KCND3: variants seen among roughly 807,000 people sequenced by gnomAD.
The protein encoded by KCND3 is potassium voltage-gated channel subfamily D member 3.
A neutral mutation model predicts 51.1 loss-of-function variants in KCND3; 9 were observed. The observed-to-expected ratio is 0.18, with a 90% confidence interval of 0.11 to 0.31. The LOEUF (loss-of-function observed/expected upper bound fraction) is 0.31. Ranked by LOEUF, KCND3 falls within the 10% of genes least tolerant of loss-of-function variation. The probability of loss-of-function intolerance (pLI) is 1.00; values close to 1 mark genes in which losing one functional copy is unlikely to be tolerated. For missense variants in KCND3, 526 were observed against 903.8 expected, an observed-to-expected ratio of 0.58 and a Z score of 5.36; for synonymous variants, 349 against 368.0, an observed-to-expected ratio of 0.95 and a Z score of 0.59.
chr1:111,796,460 A>C (rs1665062375), intron 2 of KCND3, among the ~76,000 whole-genome samples: 1 of 152,248 alleles, frequency 6.6e-6, no homozygotes, highest in Non-Finnish European at 1.5e-5. Flanking sequence ...GAAAAGAATA[A>C]GACCATGTCC....
In KCND3 at chr1:111,799,981, G is replaced by T. The variant is rs966749757; in HGVS notation, c.1107-12875C>A. 7.9e-5 allele frequency among the ~76,000 whole-genome samples: 12 copies of T among 151,976 alleles called. 1 individual carries two copies. The highest frequency in any genetic ancestry group is 2.9e-5 in the Non-Finnish European group (2 of 67,968). On this transcript the variant is annotated intron_variant, in intron 2 of 7. Coordinates refer to ENST00000302127, the MANE Select transcript of KCND3 (RefSeq NM_001378969.1). ...GGGAGGTGAGGGGCGCCTCTGCCCG[G>T]CCGCCCCTACTGGGAAGTGAGGAGC...
chr1:111,896,577 T>C (rs1670125207), intron 2 of KCND3, among the ~76,000 whole-genome samples: 1 of 152,202 alleles, frequency 6.6e-6, no homozygotes, highest in African/African-American at 2.4e-5. Context: ...GAGAGCTCAT[T>C]ATTTGAAATG....
chr1:111,903,351 G>A (rs1275077465), intron 2 of KCND3, among the ~76,000 whole-genome samples: 1 of 152,190 alleles, frequency 6.6e-6, no homozygotes, highest in Admixed American at 6.5e-5. Flanking sequence ...CGGATGTAGT[G>A]GGGGAGGGAA....
At chr1:111,852,657 C>T (rs569394870) in intron 2 of KCND3, among the ~76,000 whole-genome samples, 5 of 152,262 alleles carry the variant, frequency 3.3e-5, no homozygotes, top group South Asian at 2.1e-4. Context: ...GACCAACAGG[C>T]GGAGAGCATT....
Position 111,780,252 on chromosome 1 carries a change from G to A in KCND3, c.1434C>T (p.His478=), listed in dbSNP as rs370283312. 5 of 1,591,292 alleles carry A rather than the reference G, an allele frequency of 3.1e-6. No individual in the cohort carries two copies. Among genetic ancestry groups the A allele is most frequent in the African/African-American group, 2.7e-5 (2 of 74,616 alleles). ...TTSLIESQHH[H]LLHCLEKTTG... is the part of the protein sequence containing the mutation. ...TGGTTTTTTCCAGGCAGTGCAGCAG[G>A]TGATGATGCTGGCTCTCGATGAGTG... is the stretch of plus-strand genomic sequence containing the variant. The change falls in exon 5 of 8, where the codon CAC becomes CAT. Residue 478 remains histidine, a synonymous_variant. Coordinates refer to ENST00000302127, the MANE Select transcript of KCND3 (RefSeq NM_001378969.1). This position sits in a 1 kb window ranked among gnomAD's most constrained non-coding sequence, Gnocchi z 4.2.
intron 2 of KCND3, among the ~76,000 whole-genome samples, chr1:111,814,664 C>T (rs1473997868): frequency 2.0e-5 from 3 of 152,212 alleles, no homozygotes; most frequent in Admixed American, 6.5e-5. Context: ...CAAAGAAACC[C>T]CTATTGCTGG....
At chr1:111,940,073 G>T (rs1418037594) in intron 2 of KCND3, among the ~76,000 whole-genome samples, 17 of 85,460 alleles carry the variant, frequency 2.0e-4, no homozygotes, top group South Asian at 9.7e-4. Context: ...CTTTTTGATG[G>T]TTTTTTTTTT....
rs574006168 is a variant in KCND3 at position 111,875,120 on chromosome 1, G to A, written c.1107-88014C>T. Among the ~76,000 whole-genome samples, 5 of 152,336 alleles carry A rather than the reference G, an allele frequency of 3.3e-5. No homozygotes were observed. The South Asian group carries it at 1.0e-3, about 32-fold the overall frequency. The stretch of plus-strand genomic sequence containing the variant: ...GCTGGACACTTTTTCAAAGGAGGAG[G>A]GTTGAAGCTGTTCTAGGAGTTGGCA... On this transcript the variant is annotated intron_variant, in intron 2 of 7. Transcript: ENST00000302127.
chr1:111,953,862 A>G (rs934718718), intron 2 of KCND3, among the ~76,000 whole-genome samples: 3 of 152,100 alleles, frequency 2.0e-5, no homozygotes, highest in Non-Finnish European at 4.4e-5. Context: ...AATCTAGGAG[A>G]AGGAGGAGGC....
At chr1:111,807,547 G>A (rs1050428445) in intron 2 of KCND3, among the ~76,000 whole-genome samples, 1 of 152,098 alleles carries the variant, frequency 6.6e-6, no homozygotes, top group East Asian at 1.9e-4. Flanking sequence ...GTGGTGGCGG[G>A]GGCCTGTAAT....
intron 2 of KCND3, among the ~76,000 whole-genome samples, chr1:111,979,945 A>C (rs1674849253): frequency 6.6e-6 from 1 of 152,164 alleles, no homozygotes; most frequent in Non-Finnish European, 1.5e-5. Context: ...GGGCAGTCAG[A>C]GCCACATCAG....
intron 2 of KCND3, among the ~76,000 whole-genome samples, chr1:111,978,956 C>T (rs1407846293): frequency 6.6e-6 from 1 of 151,880 alleles, no homozygotes; most frequent in Admixed American, 6.6e-5. Flanking sequence ...CCAGCAATGA[C>T]CTACACTAGC....
chr1:111,851,130 T>C (rs1380592396), intron 2 of KCND3, among the ~76,000 whole-genome samples: 1 of 152,172 alleles, frequency 6.6e-6, no homozygotes, highest in African/African-American at 2.4e-5. Flanking sequence ...TAACCATTCC[T>C]AGGAAGTCTT....
intron 2 of KCND3, among the ~76,000 whole-genome samples, chr1:111,811,586 C>T (rs535622773): frequency 1.1e-4 from 17 of 152,256 alleles, no homozygotes; most frequent in African/African-American, 3.9e-4. Flanking sequence ...TTCTGAGTCC[C>T]TGGGTGAATC....
At chr1:111,812,675 C>A (rs953153586) in intron 2 of KCND3, among the ~76,000 whole-genome samples, 1 of 152,172 alleles carries the variant, frequency 6.6e-6, no homozygotes, top group Non-Finnish European at 1.5e-5. Context: ...GCTTAATAAC[C>A]TCTCTGGAAT....
chr1:111,971,008 G>T (rs1040261651), intron 2 of KCND3, among the ~76,000 whole-genome samples: 3 of 152,172 alleles, frequency 2.0e-5, no homozygotes, highest in Admixed American at 2.0e-4. Context: ...TTCTCCAAGG[G>T]AAAGGAAGGA....
intron 2 of KCND3, among the ~76,000 whole-genome samples, chr1:111,912,621 A>G (rs1671014680): frequency 6.6e-6 from 1 of 152,202 alleles, no homozygotes; most frequent in Non-Finnish European, 1.5e-5. Context: ...ATTGCCCCAG[A>G]TGACCTTCCA....
chr1:111,810,425 C>T (rs1182281292), intron 2 of KCND3, among the ~76,000 whole-genome samples: 1 of 152,218 alleles, frequency 6.6e-6, no homozygotes, highest in East Asian at 1.9e-4. Context: ...TCTGGTGCTC[C>T]ATCCCTCCAG....
At chr1:111,872,074 A>C (rs1668850073) in intron 2 of KCND3, among the ~76,000 whole-genome samples, 1 of 152,164 alleles carries the variant, frequency 6.6e-6, no homozygotes, top group Admixed American at 6.5e-5. Context: ...TAAAAATAAA[A>C]CCTTATATGT....
Sources: allele counts gnomAD v4.1 joint callset (sites outside exome capture counted in the v4.1 genomes callset), GRCh38; gene constraint gnomAD v4.1.1; non-coding constraint Gnocchi (gnomAD v3.1); transcripts MANE v1.5; gene names NCBI Gene and HGNC (gene_info 2026-07-23, HGNC 2026-07-21).